DST: variants seen among roughly 807,000 people sequenced by gnomAD.
The protein encoded by DST is dystonin.
DST carries 253 observed loss-of-function variants against 875.2 expected under a neutral mutation model. The ratio of observed to expected loss-of-function variants is 0.29; its 90% CI spans 0.26 to 0.32. The LOEUF is 0.32. Ranked by LOEUF, DST falls within the 10% of genes least tolerant of loss-of-function variation. The pLI, the probability that DST is intolerant of heterozygous loss-of-function variation, is 1.00. For missense variants in DST, 8,287 were observed against 9,111.6 expected (o/e 0.91, Z 3.68); for synonymous variants, 3,124 against 3,197.1 (o/e 0.98, Z 0.77).
chr6:56,908,064 G>C lies in DST; in HGVS notation c.217-7443C>G, dbSNP rs372079015. On this transcript the variant is annotated intron_variant, in intron 2 of 103. Transcript: ENST00000680361. ...AGCCTGGGAGGCGGAGTGAGACTTCGTCAAAACAAAAAAAGAAAATACATA... is the reference window on the plus strand; with the variant it reads ...AGCCTGGGAGGCGGAGTGAGACTTCCTCAAAACAAAAAAAGAAAATACATA... Among the ~76,000 whole-genome samples the C allele has an allele frequency of 1.1e-4, 17 of 148,204 alleles. No individual in the cohort carries two copies. The East Asian group carries it at 2.7e-3, about 23-fold the overall frequency.
At chr6:56,629,577 T>C in intron 31 of DST, 134 bp from the exon 32 acceptor site, 1 of 704,154 alleles carries the variant, frequency 1.4e-6, no homozygotes, top group Non-Finnish European at 2.4e-6. Flanking sequence ...ATCTTTCATA[T>C]GCACAATATT....
chr6:56,644,042 C>T (rs1325687642), intron 15 of DST, among the ~76,000 whole-genome samples: 1 of 152,166 alleles, frequency 6.6e-6, no homozygotes, highest in African/African-American at 2.4e-5. Flanking sequence ...ACTTTGCAGG[C>T]TGAGCTAATA....
At chr6:56,655,391 A>C (rs960048503) in intron 10 of DST, among the ~76,000 whole-genome samples, 1 of 152,168 alleles carries the variant, frequency 6.6e-6, no homozygotes, top group Non-Finnish European at 1.5e-5. Context: ...AACATTACCA[A>C]ATCCTGAACC....
At chr6:56,738,566 C>T (rs958709910) in intron 4 of DST, among the ~76,000 whole-genome samples, 7 of 152,038 alleles carry the variant, frequency 4.6e-5, no homozygotes, top group African/African-American at 9.7e-5. Context: ...GTGATCGGCC[C>T]GCCTCAGCCT....
intron 55 of DST, among the ~76,000 whole-genome samples, chr6:56,567,047 A>G (rs753257142): frequency 1.3e-5 from 2 of 152,200 alleles, no homozygotes; most frequent in Non-Finnish European, 1.5e-5. Context: ...TGATGGGAAT[A>G]ATAATACCTA....
At chr6:56,568,267 A>G (rs1045819316) in intron 55 of DST, among the ~76,000 whole-genome samples, 3 of 152,268 alleles carry the variant, frequency 2.0e-5, no homozygotes, top group South Asian at 2.1e-4. Context: ...GTCTAATAAA[A>G]TAAAACATAA....
chr6:56,479,559 A>C (rs1179158352), intron 90 of DST, among the ~76,000 whole-genome samples: 1 of 152,190 alleles, frequency 6.6e-6, no homozygotes, highest in Non-Finnish European at 1.5e-5. Flanking sequence ...ATTAAAAAAA[A>C]ATGTGGTACA....
chr6:56,941,138 A>C (rs911399933), intron 2 of DST, among the ~76,000 whole-genome samples: 12 of 152,104 alleles, frequency 7.9e-5, no homozygotes, highest in Admixed American at 2.0e-4. Flanking sequence ...AAGCTTTGTT[A>C]ATTGATTTTA....
chr6:56,575,473 A>T (rs1394647262), intron 50 of DST, among the ~76,000 whole-genome samples: 1 of 152,192 alleles, frequency 6.6e-6, no homozygotes, highest in African/African-American at 2.4e-5. Context: ...AACTGCATCA[A>T]CAGGGTAAGT....
chr6:56,530,969 GA>G (rs548263469), intron 64 of DST, among the ~76,000 whole-genome samples: 5 of 152,016 alleles, frequency 3.3e-5, no homozygotes, highest in Non-Finnish European at 7.4e-5. Flanking sequence ...TACATGTTTT[GA>G]AAAATTAGCT....
chr6:56,567,816 A>T (rs181083188), intron 55 of DST, among the ~76,000 whole-genome samples: 146 of 152,262 alleles, frequency 9.6e-4, no homozygotes, highest in African/African-American at 3.3e-3. Context: ...TTATTTTTTT[A>T]AAAAAACTTG....
chr6:56,662,858 A>G (rs1247317698), intron 10 of DST, among the ~76,000 whole-genome samples: 1 of 152,172 alleles, frequency 6.6e-6, no homozygotes, highest in Non-Finnish European at 1.5e-5. Flanking sequence ...CTGAGGCAGG[A>G]GAATTGCTTG....
At chr6:56,809,344 T>C (rs1333997438) in intron 4 of DST, among the ~76,000 whole-genome samples, 1 of 152,172 alleles carries the variant, frequency 6.6e-6, no homozygotes, top group African/African-American at 2.4e-5. Flanking sequence ...CAATCATCTT[T>C]TTCTGTCAGG....
Position 56,824,735 on chromosome 6 carries a change from A to G in DST, c.625+26662T>C, listed in dbSNP as rs1401899235. ...TGAGGAGACCCTCTGCCTGGCAACC[A>G]CCCCGTCTGAGAAGTGAGGAGTCCC... On this transcript the variant is annotated intron_variant, in intron 4 of 103. Coordinates refer to ENST00000680361, the MANE Select transcript of DST (RefSeq NM_001374736.1). Among the ~76,000 whole-genome samples the G allele has an allele frequency of 2.0e-5, 3 of 147,324 alleles. No homozygotes were observed. The East Asian group carries it at 6.2e-4, about 30-fold the overall frequency.
chr6:56,596,007 T>TTTA (rs1554444163), intron 47 of DST, among the ~76,000 whole-genome samples: 4 of 145,786 alleles, frequency 2.7e-5, no homozygotes, highest in East Asian at 1.9e-4. Context: ...ACTTTCTTTC[T>TTTA]TTTATTTATT....
intron 9 of DST, among the ~76,000 whole-genome samples, chr6:56,682,809 T>G (rs2099163120): frequency 6.6e-6 from 1 of 152,166 alleles, no homozygotes; most frequent in Admixed American, 6.5e-5. Context: ...GGTCAGGCAA[T>G]GTGAGCCACA....
At chr6:56,548,107 T>C (rs1340104302) in intron 61 of DST, among the ~76,000 whole-genome samples, 1 of 152,178 alleles carries the variant, frequency 6.6e-6, no homozygotes, top group Non-Finnish European at 1.5e-5. Context: ...ATCTTTTGGC[T>C]TCCCTGGGCC....
At position 56,606,158 on chromosome 6, in the gene DST, CATTCTCATCTCTT is replaced by C. The variant is rs1423887496; in HGVS notation, c.8457_8469del (p.Ile2819MetfsTer22). ...GCCACATTTTGGCACCTGGGCTTTC[CATTCTCATCTCTT>C]ATACCTCCTCCTTCTTCATCAATGC... On this transcript the variant is annotated frameshift_variant, in exon 40 of 104. Coordinates refer to ENST00000680361, the MANE Select transcript of DST (RefSeq NM_001374736.1). LOFTEE classifies it high-confidence loss of function. The C allele has an allele frequency of 6.2e-7, 1 of 1,606,318 alleles. No individual in the cohort carries two copies. The highest frequency in any genetic ancestry group is 1.3e-5 in the African/African-American group (1 of 74,802).
chr6:56,874,098 CAG>C (rs1778601236), intron 3 of DST, among the ~76,000 whole-genome samples: 1 of 152,148 alleles, frequency 6.6e-6, no homozygotes. Context: ...CTGGGCAACA[CAG>C]AGAGACCCTG....
Sources: gnomAD v4.1 joint callset for allele counts (sites outside exome capture counted in the v4.1 genomes callset) on GRCh38, gnomAD v4.1.1 for gene constraint, MANE v1.5 for transcripts, NCBI Gene and HGNC (gene_info 2026-07-23, HGNC 2026-07-21) for gene names.